MCCC1: variants seen among roughly 807,000 people sequenced by gnomAD.
The protein encoded by MCCC1 is methylcrotonyl-CoA carboxylase subunit 1.
MCCC1 carries 64 observed loss-of-function variants against 83.8 expected under a neutral mutation model. The observed-to-expected ratio is 0.76, with a 90% confidence interval of 0.62 to 0.94. MCCC1 has a LOEUF of 0.94. Among genes scored for constraint, MCCC1 ranks in the 40% least tolerant of loss-of-function variants. The pLI is 0.00. For missense variants in MCCC1, 807 were observed against 904.7 expected (o/e 0.89, Z 1.39); for synonymous variants, 322 against 315.4 (o/e 1.02, Z -0.22).
chr3:183,065,388 G>T (rs1308053360), intron 7 of MCCC1, among the ~76,000 whole-genome samples: 3 of 152,144 alleles, frequency 2.0e-5, no homozygotes, highest in African/African-American at 7.2e-5. Context: ...TATATGTGTT[G>T]TGTGTGTGAT....
chr3:183,081,537 C>T (rs1717493386), intron 4 of MCCC1, among the ~76,000 whole-genome samples: 1 of 152,168 alleles, frequency 6.6e-6, no homozygotes, highest in African/African-American at 2.4e-5. Context: ...TGAGAAGTGT[C>T]CTTTCCATGG....
rs763040211 is a variant in MCCC1 at position 183,020,103 on chromosome 3, A to G, written c.1977+27T>C. The G allele has an allele frequency of 4.5e-6, 7 of 1,545,604 alleles. No homozygotes were observed. In the East Asian group the frequency reaches 1.6e-4, roughly 35 times the overall value. ...AGCCACGTATTAAAACTTACTGAAC[A>G]TCATTCTACAGATGTCATGTGATTA... On this transcript the variant is annotated intron_variant, in intron 17 of 18. Transcript: ENST00000265594.
chr3:183,099,297 TC>T, intron 1 of MCCC1, 54 bp downstream of exon 1: 2 of 1,537,736 alleles, frequency 1.3e-6, no homozygotes, highest in Non-Finnish European at 1.8e-6. Flanking sequence ...CTCACGCGGG[TC>T]CGTGCACCCC....
At chr3:183,078,524 ATC>A (rs140571603) in intron 4 of MCCC1, among the ~76,000 whole-genome samples, 1,698 of 152,280 alleles carry the variant, frequency 0.011, 34 homozygotes, top group African/African-American at 0.039. Flanking sequence ...CTGATGAAAT[ATC>A]TGTTTATTTA....
rs1560256483 is a variant in MCCC1 at position 183,070,979 on chromosome 3, GA to G, written c.761+19del. ...AATTTAATTTTTAAACTCTGAGTCA[GA>G]AAAATAAGGCCAACCCACCTCGGTG... is the stretch of plus-strand genomic sequence containing the variant. On this transcript the variant is annotated intron_variant, in intron 7 of 18. Transcript: ENST00000265594. 6.2e-7 allele frequency: 1 copy of G among 1,611,006 alleles called. No individual in the cohort carries two copies. Among genetic ancestry groups the G allele is most frequent in the Non-Finnish European group, 8.5e-7 (1 of 1,178,142 alleles).
rs186262767 is a variant in MCCC1, at chr3:183,090,178, G to A, written c.273+2231C>T. On this transcript the variant is annotated intron_variant, in intron 3 of 18. Coordinates refer to ENST00000265594, the MANE Select transcript of MCCC1 (RefSeq NM_020166.5). ...AAGGACACTGAGAGAAGACAAGAAG[G>A]CAAGAGGCTGAGAATGCCATGAGAA... is the stretch of plus-strand genomic sequence containing the variant. Among the ~76,000 whole-genome samples the A allele has an allele frequency of 6.6e-4, 101 of 152,246 alleles. No homozygotes were observed. In the East Asian group the frequency reaches 0.015, roughly 23 times the overall value.
At chr3:183,045,654 T>G in intron 9 of MCCC1, 114 bp from the exon 10 acceptor site, 1 of 1,095,656 alleles carries the variant, frequency 9.1e-7, no homozygotes, top group Non-Finnish European at 1.4e-6. Context: ...ATGGTAACAC[T>G]TTGCATTTCA....
At chr3:183,059,096 C>A (rs1043474391) in intron 7 of MCCC1, among the ~76,000 whole-genome samples, 1 of 152,090 alleles carries the variant, frequency 6.6e-6, no homozygotes, top group African/African-American at 2.4e-5. Flanking sequence ...TCACCTGAGG[C>A]CAGGAGTTCA....
At chr3:183,093,784 C>G (rs1718535929) in intron 2 of MCCC1, among the ~76,000 whole-genome samples, 1 of 152,052 alleles carries the variant, frequency 6.6e-6, no homozygotes. Context: ...AAGGAGAGCA[C>G]AGTAGGTAGA....
At chr3:183,079,656 G>C (rs534009231) in intron 4 of MCCC1, among the ~76,000 whole-genome samples, 1 of 152,276 alleles carries the variant, frequency 6.6e-6, no homozygotes, top group South Asian at 2.1e-4. Flanking sequence ...GGAAGACAGT[G>C]GACCTCTTCT....
At chr3:183,115,256 G>A (rs1719571157) in intron 1 of MCCC1, among the ~76,000 whole-genome samples, 1 of 152,058 alleles carries the variant, frequency 6.6e-6, no homozygotes, top group Non-Finnish European at 1.5e-5. Flanking sequence ...CATCTGCCAG[G>A]GCCACCCAGG....
chr3:183,100,645 T>C (rs190664656), upstream of MCCC1, among the ~76,000 whole-genome samples: 97 of 152,332 alleles, frequency 6.4e-4, no homozygotes, highest in African/African-American at 2.2e-3. Flanking sequence ...CATGTAAGTA[T>C]CAGTGGAAAA....
chr3:183,028,072 A>C (rs1712756200), intron 14 of MCCC1, among the ~76,000 whole-genome samples: 1 of 152,204 alleles, frequency 6.6e-6, no homozygotes. Context: ...TTCAAAGGAC[A>C]GGCTGACTCT....
Position 183,016,549 on chromosome 3 carries a change from T to C in MCCC1, c.2049+717A>G, listed in dbSNP as rs556664925. Among the ~76,000 whole-genome samples, 138 of 152,230 alleles carry C rather than the reference T, an allele frequency of 9.1e-4. 1 individual carries two copies. Among genetic ancestry groups the C allele is most frequent in the Non-Finnish European group, 1.8e-3 (120 of 68,048 alleles). The stretch of plus-strand genomic sequence containing the variant: ...CCCAGCCTTTCAAAAGTATTGATCC[T>C]TGGGCTCTACTCCTGGAGATTGCAA... On this transcript the variant is annotated intron_variant, in intron 18 of 18. Coordinates refer to ENST00000265594, the MANE Select transcript of MCCC1 (RefSeq NM_020166.5).
intron 3 of MCCC1, chr3:183,091,098 T>C: frequency 2.2e-6 from 1 of 453,640 alleles, no homozygotes; most frequent in Non-Finnish European, 4.4e-6. Flanking sequence ...GAAATACTCA[T>C]TGCACAGAGT....
chr3:183,047,112 CA>C (rs1714614424), intron 9 of MCCC1, among the ~76,000 whole-genome samples: 1 of 152,080 alleles, frequency 6.6e-6, no homozygotes, highest in Admixed American at 6.5e-5. Flanking sequence ...TGAAATACAC[CA>C]AAACATTCAA....
At chr3:183,052,421 T>C (rs944557868) in intron 8 of MCCC1, among the ~76,000 whole-genome samples, 181 bp from the exon 9 acceptor site, 2 of 152,222 alleles carry the variant, frequency 1.3e-5, no homozygotes, top group African/African-American at 4.8e-5. Context: ...CTAGTGACAC[T>C]GTAGCTGTCA....
intron 10 of MCCC1, among the ~76,000 whole-genome samples, chr3:183,042,820 C>G (rs554341849): frequency 3.0e-4 from 45 of 152,298 alleles, no homozygotes; most frequent in African/African-American, 1.0e-3. Context: ...ACTATGTTAC[C>G]TATTATCATT....
chr3:183,099,157 G>T, intron 1 of MCCC1, 195 bp downstream of exon 1: 2 of 631,764 alleles, frequency 3.2e-6, no homozygotes, highest in Non-Finnish European at 5.6e-6. Context: ...GAAGCGGGGA[G>T]AAAGGGAAGG....
Sources: gnomAD v4.1 joint callset for allele counts (sites outside exome capture counted in the v4.1 genomes callset) on GRCh38, gnomAD v4.1.1 for gene constraint, MANE v1.5 for transcripts, NCBI Gene and HGNC (gene_info 2026-07-23, HGNC 2026-07-21) for gene names.